The following CASTOR2 variants were observed in gnomAD, a reference collection of about 807,000 sequenced individuals.
CASTOR2 encodes the protein cytosolic arginine sensor for mTORC1 subunit 2, also known as GATS protein like 2.
In CASTOR2, 8 loss-of-function variants were observed where a neutral mutation model predicts 31.2. The ratio of observed to expected loss-of-function variants is 0.26; its 90% confidence interval spans 0.15 to 0.46. The LOEUF is 0.46. Among genes scored for constraint, CASTOR2 ranks in the 20% least tolerant of loss-of-function variants. CASTOR2 has a pLI of 0.99. For missense variants in CASTOR2, 216 were observed against 382.1 expected (o/e 0.57, Z 3.62); for synonymous variants, 162 against 158.7 (o/e 1.02, Z -0.16).
intron 1 of CASTOR2, among the ~76,000 whole-genome samples, chr7:74,996,984 C>A (rs1389793429): frequency 5.3e-5 from 8 of 151,806 alleles, no homozygotes; most frequent in Non-Finnish European, 7.4e-5. Context: ...AACCACCCCC[C>A]TCGGCCTCCC....
intron 1 of CASTOR2, among the ~76,000 whole-genome samples, chr7:74,984,437 G>A (rs2131924126): frequency 6.6e-6 from 1 of 152,204 alleles, no homozygotes; most frequent in African/African-American, 2.4e-5. Flanking sequence ...ACCTACATGG[G>A]GTGCTCTCAG....
rs926875925 is a variant in CASTOR2, at chr7:75,022,860, A to G, written c.829+904A>G. On this transcript the variant is annotated intron_variant, in intron 7 of 8. Transcript: ENST00000616305. ...ATTGGGGCTGTGATAAAAATTAAAGAGAAAAAAAATCACTCCTTATTTCCA... is the reference window on the plus strand; with the variant it reads ...ATTGGGGCTGTGATAAAAATTAAAGGGAAAAAAAATCACTCCTTATTTCCA... Among the ~76,000 whole-genome samples, 75 of 152,356 alleles carry G rather than the reference A, an allele frequency of 4.9e-4. 1 individual carries two copies. The Middle Eastern group carries it at 0.017, about 35-fold the overall frequency.
chr7:74,989,146 A>G (rs1169913351), intron 1 of CASTOR2, among the ~76,000 whole-genome samples: 1 of 150,642 alleles, frequency 6.6e-6, no homozygotes, highest in African/African-American at 2.4e-5. Context: ...TATTTTTACA[A>G]AATTTTACGG....
At position 75,025,477 on chromosome 7, in the gene CASTOR2, G is replaced by T. The variant is rs1026557829; in HGVS notation, c.*778G>T. On this transcript the variant is annotated 3_prime_UTR_variant, in exon 9 of 9. Coordinates refer to ENST00000616305, the MANE Select transcript of CASTOR2 (RefSeq NM_001145064.3). ...TGTCCCCTCGGCTCTCCCTGGACCC[G>T]ACTTGGGCAGGTAGAGCCTCAGCTT... Among the ~76,000 whole-genome samples the T allele has an allele frequency of 6.6e-6, 1 of 152,216 alleles. No individual in the cohort carries two copies. Among genetic ancestry groups the T allele is most frequent in the African/African-American group, 2.4e-5 (1 of 41,462 alleles).
intron 1 of CASTOR2, among the ~76,000 whole-genome samples, chr7:74,987,274 G>A (rs1804090286): frequency 6.6e-6 from 1 of 151,996 alleles, no homozygotes; most frequent in South Asian, 2.1e-4. Context: ...GCCTGGTGGC[G>A]GGAGCCTGTA....
At chr7:74,995,263 G>A (rs1394737466) in intron 1 of CASTOR2, among the ~76,000 whole-genome samples, 2 of 151,982 alleles carry the variant, frequency 1.3e-5, no homozygotes, top group Non-Finnish European at 2.9e-5. Context: ...AAGAAGCCAA[G>A]TATGAAACCG....
Position 75,026,520 on chromosome 7 carries a change from A to G in CASTOR2, c.*1821A>G, listed in dbSNP as rs1199833207. 6.6e-6 allele frequency among the ~76,000 whole-genome samples: 1 copy of G among 152,130 alleles called. No individual in the cohort carries two copies. The highest frequency in any genetic ancestry group is 1.9e-4 in the East Asian group (1 of 5,196). ...GTGCTGTTTCTGTGGTCAGAGGAGA[A>G]GGGATATTTTCTAGTCCTGACAAAG... On this transcript the variant is annotated 3_prime_UTR_variant, in exon 9 of 9. Transcript: ENST00000616305.
chr7:74,977,571 C>CA (rs1418318576), intron 1 of CASTOR2, among the ~76,000 whole-genome samples: 2 of 147,270 alleles, frequency 1.4e-5, no homozygotes, highest in Non-Finnish European at 3.0e-5. Flanking sequence ...TTAGTAGAGA[C>CA]AGAGTTTCAC....
In CASTOR2 at chr7:75,030,667, C is replaced by T. The variant is rs972285520; in HGVS notation, c.*5968C>T. On this transcript the variant is annotated 3_prime_UTR_variant, in exon 9 of 9. Coordinates refer to ENST00000616305, the MANE Select transcript of CASTOR2 (RefSeq NM_001145064.3). ...CTGCTTGAGTGTCTTCACAATATGG[C>T]GCTCGGCTTCCCCCCAGAGCAAGAG... Among the ~76,000 whole-genome samples, 461 of 152,224 alleles carry T rather than the reference C, an allele frequency of 3.0e-3. 4 individuals are homozygous for T. The highest frequency in any genetic ancestry group is 0.027 in the Middle Eastern group (8 of 294).
intron 1 of CASTOR2, among the ~76,000 whole-genome samples, chr7:74,992,360 G>A (rs1327929339): frequency 1.3e-5 from 2 of 152,110 alleles, no homozygotes; most frequent in Non-Finnish European, 2.9e-5. Context: ...CTAACTCTTC[G>A]GGAGGCAAAG....
At position 75,024,966 on chromosome 7, in the gene CASTOR2, C is replaced by T. The variant is rs1341624496; in HGVS notation, c.*267C>T. ...CCTCCCCCACCCCGGAAAATGCTTT[C>T]GGAGGCCCAGGGAGCTTGTGAGCTG... is the stretch of plus-strand genomic sequence containing the variant. On this transcript the variant is annotated 3_prime_UTR_variant, in exon 9 of 9. Coordinates refer to ENST00000616305, the MANE Select transcript of CASTOR2 (RefSeq NM_001145064.3). 3.3e-5 allele frequency among the ~76,000 whole-genome samples: 5 copies of T among 152,214 alleles called. No individual in the cohort carries two copies. Among genetic ancestry groups the T allele is most frequent in the African/African-American group, 7.2e-5 (3 of 41,454 alleles).
chr7:75,007,074 T>C (rs1352861973), intron 1 of CASTOR2, among the ~76,000 whole-genome samples: 2 of 152,074 alleles, frequency 1.3e-5, no homozygotes, highest in African/African-American at 4.8e-5. Flanking sequence ...ACCAGATAAG[T>C]GGCCAGGGGT....
intron 2 of CASTOR2, among the ~76,000 whole-genome samples, chr7:75,011,014 G>A (rs1237744093): frequency 6.6e-6 from 1 of 151,816 alleles, no homozygotes; most frequent in East Asian, 1.9e-4. Flanking sequence ...CACCATGCCC[G>A]GCTAATTTTT....
intron 2 of CASTOR2, among the ~76,000 whole-genome samples, chr7:75,008,387 A>G (rs1375080734): frequency 3.3e-5 from 5 of 152,134 alleles, no homozygotes; most frequent in Non-Finnish European, 4.4e-5. Context: ...GAAAAGGAAC[A>G]TGTTTCACTG....
At chr7:75,002,773 T>TCTCA (rs1445107563) in intron 1 of CASTOR2, among the ~76,000 whole-genome samples, 1 of 151,612 alleles carries the variant, frequency 6.6e-6, no homozygotes, top group Non-Finnish European at 1.5e-5. Context: ...CGAAAACGGA[T>TCTCA]CTCAGAGTGA....
At chr7:74,979,557 A>C (rs1313288243) in intron 1 of CASTOR2, among the ~76,000 whole-genome samples, 1 of 52,136 alleles carries the variant, frequency 1.9e-5, no homozygotes, top group Admixed American at 2.7e-4. Context: ...ACACCCAGCT[A>C]ATTTTTGTAT....
intron 5 of CASTOR2, 33 bp from the exon 6 acceptor site, chr7:75,020,006 G>A (rs997149622): frequency 7.4e-5 from 114 of 1,548,526 alleles, no homozygotes; most frequent in Admixed American, 2.4e-4. Flanking sequence ...GGCCACAGGG[G>A]CCCCATCTTT....
chr7:74,995,511 G>GAAA lies in CASTOR2; in HGVS notation c.114-12471_114-12469dup, dbSNP rs1335114046. 2.3e-4 allele frequency among the ~76,000 whole-genome samples: 20 copies of GAAA among 88,470 alleles called. 3 individuals are homozygous for GAAA. The highest frequency in any genetic ancestry group is 6.7e-4 in the East Asian group (2 of 2,988). The allele number at this position is 88,470 out of a possible 152,430, so 58.0% of individuals were successfully genotyped here. ...TGAGACCCTGTCTTTACAAAAAAAT[G>GAAA]AAAAAAAAAAAAAAGGCCGGGTGCG... On this transcript the variant is annotated intron_variant, in intron 1 of 8. Coordinates refer to ENST00000616305, the MANE Select transcript of CASTOR2 (RefSeq NM_001145064.3).
At chr7:75,018,916 C>T (rs1804929816) in intron 4 of CASTOR2, 56 bp from the exon 5 acceptor site, 2 of 1,551,588 alleles carry the variant, frequency 1.3e-6, no homozygotes, top group Non-Finnish European at 1.7e-6. Context: ...CTGCACCCAC[C>T]AGAGCTGCTG....
Sources: gnomAD v4.1 joint callset for allele counts (sites outside exome capture counted in the v4.1 genomes callset) on GRCh38, gnomAD v4.1.1 for gene constraint, MANE v1.5 for transcripts, NCBI Gene and HGNC (gene_info 2026-07-23, HGNC 2026-07-21) for gene names.